Variants in TENM4 observed in about 807,000 individuals in gnomAD.
TENM4 encodes the protein teneurin-4.
A neutral mutation model predicts 243.3 loss-of-function variants in TENM4; 82 were observed. The ratio of observed to expected loss-of-function variants is 0.34; its 90% CI spans 0.28 to 0.40. TENM4 has a LOEUF of 0.40. Among genes scored for constraint, TENM4 ranks in the 10% least tolerant of loss-of-function variants. The probability of loss-of-function intolerance (pLI) is 1.00; values close to 1 mark genes in which losing one functional copy is unlikely to be tolerated. For synonymous variants in TENM4, 1,412 were observed against 1,456.3 expected (o/e 0.97, Z 0.69); for missense variants, 3,138 against 3,673.3 (o/e 0.85, Z 3.77).
intron 2 of TENM4, among the ~76,000 whole-genome samples, chr11:79,264,142 G>A (rs1345679766): frequency 1.3e-5 from 2 of 152,138 alleles, no homozygotes; most frequent in East Asian, 1.9e-4. Context: ...TTACTTATCA[G>A]TGTCCGACTG....
chr11:79,370,774 T>C (rs1857765761), intron 1 of TENM4, among the ~76,000 whole-genome samples: 1 of 56,126 alleles, frequency 1.8e-5, no homozygotes, highest in African/African-American at 8.6e-5. Flanking sequence ...GCACAACTCC[T>C]ATGGTAAAAA....
At chr11:78,964,698 G>A (rs953164512) in intron 6 of TENM4, among the ~76,000 whole-genome samples, 2 of 151,994 alleles carry the variant, frequency 1.3e-5, no homozygotes, top group African/African-American at 2.4e-5. Context: ...TATCTGCTCT[G>A]CTATATTTCT....
intron 4 of TENM4, among the ~76,000 whole-genome samples, chr11:79,114,712 G>A (rs1861582628): frequency 6.6e-6 from 1 of 152,148 alleles, no homozygotes; most frequent in Admixed American, 6.5e-5. Flanking sequence ...CATAATTTAT[G>A]TAACTGATCC....
intron 3 of TENM4, among the ~76,000 whole-genome samples, chr11:79,176,916 G>T (rs1347258552): frequency 6.6e-6 from 1 of 152,144 alleles, no homozygotes; most frequent in Non-Finnish European, 1.5e-5. Context: ...CGGTCAGGGT[G>T]GGGGCAGGTT....
intron 12 of TENM4, among the ~76,000 whole-genome samples, chr11:78,819,124 C>A (rs1465238411): frequency 1.3e-5 from 2 of 152,036 alleles, no homozygotes; most frequent in East Asian, 3.9e-4. Context: ...TACAAAGGGG[C>A]AACTGCAGAA....
chr11:78,724,374 G>A (rs117751811), intron 23 of TENM4, among the ~76,000 whole-genome samples: 1,809 of 152,320 alleles, frequency 0.012, 19 homozygotes, highest in Non-Finnish European at 0.017. Flanking sequence ...TTATAGGCAT[G>A]AGCCACGGTG....
intron 1 of TENM4, among the ~76,000 whole-genome samples, chr11:79,433,091 C>A (rs1406030256): frequency 3.3e-5 from 5 of 152,186 alleles, no homozygotes; most frequent in Admixed American, 3.3e-4. Context: ...AGAATGGGCA[C>A]ATCCCTTTAT....
chr11:79,258,125 G>A (rs1855731229), intron 2 of TENM4, among the ~76,000 whole-genome samples: 1 of 152,164 alleles, frequency 6.6e-6, no homozygotes, highest in Admixed American at 6.5e-5. Context: ...TGCTGAGATG[G>A]AAAGGGTTTT....
intron 1 of TENM4, among the ~76,000 whole-genome samples, chr11:79,353,756 G>GAAAA (rs10643530): frequency 2.1e-5 from 3 of 142,872 alleles, no homozygotes; most frequent in Non-Finnish European, 3.0e-5. Flanking sequence ...GAAAAAGGAG[G>GAAAA]AAAAAAAAAA....
intron 6 of TENM4, among the ~76,000 whole-genome samples, chr11:78,955,240 T>G (rs1190866713): frequency 1.3e-5 from 2 of 152,180 alleles, no homozygotes; most frequent in African/African-American, 2.4e-5. Flanking sequence ...ATTTCTCCAA[T>G]CTCACAGGAC....
intron 6 of TENM4, among the ~76,000 whole-genome samples, chr11:79,007,734 T>G (rs1285706519): frequency 6.6e-6 from 1 of 152,132 alleles, no homozygotes; most frequent in Non-Finnish European, 1.5e-5. Context: ...CCCTTTTTCT[T>G]CTTGAAGGAT....
intron 15 of TENM4, 139 bp downstream of exon 15, chr11:78,805,153 G>C: frequency 1.7e-6 from 1 of 602,194 alleles, no homozygotes; most frequent in Non-Finnish European, 2.9e-6. Flanking sequence ...TTGAAGGCTA[G>C]AGTTCAGAGA....
intron 1 of TENM4, among the ~76,000 whole-genome samples, chr11:79,327,557 C>T (rs542690227): frequency 5.9e-5 from 9 of 151,840 alleles, no homozygotes; most frequent in South Asian, 2.1e-4. Flanking sequence ...TTAACATTCC[C>T]ATTTTACAGA....
chr11:79,154,877 C>T (rs893803457), intron 3 of TENM4, among the ~76,000 whole-genome samples: 1 of 152,168 alleles, frequency 6.6e-6, no homozygotes, highest in African/African-American at 2.4e-5. Context: ...CCTCAGGGGG[C>T]CAAGCATGCA....
intron 12 of TENM4, among the ~76,000 whole-genome samples, chr11:78,849,549 G>C (rs896800453): frequency 1.3e-5 from 2 of 152,144 alleles, no homozygotes; most frequent in Non-Finnish European, 2.9e-5. Context: ...AGCTAAGCAT[G>C]GTCCTCAACA....
At chr11:78,907,459 G>A (rs1269875149) in intron 6 of TENM4, among the ~76,000 whole-genome samples, 1 of 152,102 alleles carries the variant, frequency 6.6e-6, no homozygotes, top group Non-Finnish European at 1.5e-5. Context: ...GATAAACATG[G>A]CCTAAGAGAG....
intron 16 of TENM4, among the ~76,000 whole-genome samples, chr11:78,786,033 T>C (rs568042002): frequency 6.6e-6 from 1 of 151,812 alleles, no homozygotes; most frequent in Non-Finnish European, 1.5e-5. Context: ...AAAACACACA[T>C]ATATACACAA....
chr11:79,082,809 T>C (rs193242862), intron 4 of TENM4, among the ~76,000 whole-genome samples: 9 of 152,274 alleles, frequency 5.9e-5, no homozygotes, highest in African/African-American at 2.2e-4. Flanking sequence ...TATCCAAGCC[T>C]CAAAGGGGTG....
At chr11:79,225,737 C>T (rs1209163633) in intron 2 of TENM4, among the ~76,000 whole-genome samples, 2 of 152,146 alleles carry the variant, frequency 1.3e-5, no homozygotes, top group Non-Finnish European at 2.9e-5. Flanking sequence ...TCTCGGCCTC[C>T]CTCCCAAAGT....
Sources: allele counts gnomAD v4.1 joint callset (sites outside exome capture counted in the v4.1 genomes callset), GRCh38; gene constraint gnomAD v4.1.1; transcripts MANE v1.5; gene names NCBI Gene and HGNC (gene_info 2026-07-23, HGNC 2026-07-21).